The following ADAMTSL1 variants were observed in gnomAD, a reference collection of about 807,000 sequenced individuals.
ADAMTSL1 encodes ADAMTS like 1.
ADAMTSL1 carries 126 observed loss-of-function variants against 201.8 expected under a neutral mutation model. That is an observed-to-expected ratio of 0.62 (90% CI 0.54 to 0.72). The LOEUF (loss-of-function observed/expected upper bound fraction) is 0.72. Among genes scored for constraint, ADAMTSL1 ranks in the 30% least tolerant of loss-of-function variants. The pLI is 0.00. For missense variants in ADAMTSL1, 2,679 were observed against 2,277.8 expected (o/e 1.18, Z -3.59); for synonymous variants, 1,121 against 903.4 (o/e 1.24, Z -4.32).
intron 1 of ADAMTSL1, among the ~76,000 whole-genome samples, chr9:17,922,162 C>T (rs1826330415): frequency 6.8e-6 from 1 of 147,806 alleles, no homozygotes; most frequent in African/African-American, 2.5e-5. Context: ...GTTATTAATT[C>T]TATATCAGTT....
At chr9:18,315,006 C>T (rs1034530876) in intron 2 of ADAMTSL1, among the ~76,000 whole-genome samples, 1 of 149,362 alleles carries the variant, frequency 6.7e-6, no homozygotes, top group East Asian at 2.0e-4. Context: ...CCGTGTTAGC[C>T]AGGATGGTCT....
intron 1 of ADAMTSL1, among the ~76,000 whole-genome samples, chr9:17,926,142 A>G (rs1826517605): frequency 6.6e-6 from 1 of 152,124 alleles, no homozygotes; most frequent in Non-Finnish European, 1.5e-5. Flanking sequence ...ATTGTTAATA[A>G]TCATTGTCAT....
rs1829125440 is a variant in ADAMTSL1, at chr9:18,662,000, T to G, written c.1012T>G (p.Cys338Gly). ...CAACCGTGTGGTTGCTGACCAATAC[T>G]GTCACTATTACCCAGAGAACATCAA... Reference protein sequence around the residue: ...RSNRVVADQYCHYYPENIKPK... With the variant: ...RSNRVVADQYGHYYPENIKPK... The change falls in exon 9 of 29, where the codon TGT becomes GGT. Residue 338 changes from cysteine (C) to glycine (G), a missense_variant. Transcript: ENST00000380548. The G allele has an allele frequency of 6.2e-7, 1 of 1,614,044 alleles. No individual in the cohort carries two copies. The highest frequency in any genetic ancestry group is 1.3e-5 in the African/African-American group (1 of 74,938).
intron 20 of ADAMTSL1, among the ~76,000 whole-genome samples, chr9:18,804,067 G>T (rs1174177189): frequency 6.6e-6 from 1 of 152,166 alleles, no homozygotes; most frequent in Non-Finnish European, 1.5e-5. Flanking sequence ...GTTATAAACA[G>T]AGGGATTTAA....
chr9:18,589,721 T>C (rs1823786240), intron 4 of ADAMTSL1, among the ~76,000 whole-genome samples: 1 of 152,190 alleles, frequency 6.6e-6, no homozygotes, highest in South Asian at 2.1e-4. Flanking sequence ...TTTATGACCT[T>C]TGTCATGTAG....
intron 2 of ADAMTSL1, among the ~76,000 whole-genome samples, chr9:18,532,230 A>G (rs1028197226): frequency 2.0e-5 from 3 of 152,184 alleles, no homozygotes; most frequent in African/African-American, 7.2e-5. Context: ...ATGCAGTAAA[A>G]TGGAAACTCT....
At chr9:18,499,954 C>G (rs546155934) in intron 1 of ADAMTSL1, among the ~76,000 whole-genome samples, 2 of 152,150 alleles carry the variant, frequency 1.3e-5, no homozygotes, top group East Asian at 3.9e-4. Context: ...TTCCAAGTAC[C>G]CTGTATATGC....
chr9:18,696,214 T>A (rs981725077), intron 13 of ADAMTSL1, among the ~76,000 whole-genome samples: 2 of 152,136 alleles, frequency 1.3e-5, no homozygotes, highest in Admixed American at 6.5e-5. Flanking sequence ...AAAGCCCTCT[T>A]TGAGAAGGGA....
chr9:18,122,499 G>A (rs1184946357), intron 1 of ADAMTSL1, among the ~76,000 whole-genome samples: 1 of 152,236 alleles, frequency 6.6e-6, no homozygotes, highest in African/African-American at 2.4e-5. Context: ...GCCTTATGGT[G>A]AAATTTTTTA....
At chr9:18,587,763 A>G (rs185197135) in intron 4 of ADAMTSL1, among the ~76,000 whole-genome samples, 14 of 152,212 alleles carry the variant, frequency 9.2e-5, no homozygotes, top group African/African-American at 3.4e-4. Context: ...GGTTTATTTC[A>G]CTTAATGACC....
intron 1 of ADAMTSL1, among the ~76,000 whole-genome samples, chr9:18,139,491 G>C (rs1826304945): frequency 6.6e-6 from 1 of 152,082 alleles, no homozygotes; most frequent in Admixed American, 6.6e-5. Context: ...TCCACCTTCT[G>C]TTAACCATCC....
In ADAMTSL1 at chr9:18,559,221, A is replaced by T. The variant is rs12000315; in HGVS notation, c.238-14809A>T. Among the ~76,000 whole-genome samples, 534 of 152,310 alleles carry T rather than the reference A, an allele frequency of 3.5e-3. 3 individuals are homozygous for T. The highest frequency in any genetic ancestry group is 0.011 in the African/African-American group (472 of 41,576). On this transcript the variant is annotated intron_variant, in intron 3 of 28. Coordinates refer to ENST00000380548, the MANE Select transcript of ADAMTSL1 (RefSeq NM_001040272.6). ...AAGTGGTCCAGTTTCAGTTTTCTGC[A>T]TATGGCTAGCCTGTTTTCCCAACAC...
chr9:18,870,279 G>T (rs975065327), intron 23 of ADAMTSL1, among the ~76,000 whole-genome samples: 9 of 152,106 alleles, frequency 5.9e-5, no homozygotes, highest in African/African-American at 1.9e-4. Context: ...AGTGGTTTTT[G>T]ATTATTCTTG....
At chr9:18,012,184 C>G (rs1185158432) in intron 1 of ADAMTSL1, among the ~76,000 whole-genome samples, 2 of 152,178 alleles carry the variant, frequency 1.3e-5, no homozygotes, top group East Asian at 3.9e-4. Flanking sequence ...AGAACTCTGA[C>G]TTGCAGGCCC....
At chr9:18,114,103 G>A (rs1825147037) in intron 1 of ADAMTSL1, among the ~76,000 whole-genome samples, 1 of 152,148 alleles carries the variant, frequency 6.6e-6, no homozygotes, top group African/African-American at 2.4e-5. Context: ...AGAGGTCAAA[G>A]AGGAGAGCAC....
intron 2 of ADAMTSL1, among the ~76,000 whole-genome samples, chr9:18,257,753 AAAC>A (rs1395173865): frequency 1.3e-5 from 2 of 152,366 alleles, no homozygotes; most frequent in East Asian, 3.9e-4. Context: ...TAAAAGGTGG[AAAC>A]AACAGATGAG....
chr9:18,056,596 G>C (rs964275984), intron 1 of ADAMTSL1, among the ~76,000 whole-genome samples: 11 of 152,144 alleles, frequency 7.2e-5, no homozygotes, highest in Admixed American at 1.3e-4. Context: ...GGGAGCAAAA[G>C]AAGAGGCAAT....
At chr9:18,053,773 C>T (rs1274780019) in intron 1 of ADAMTSL1, among the ~76,000 whole-genome samples, 1 of 152,196 alleles carries the variant, frequency 6.6e-6, no homozygotes, top group African/African-American at 2.4e-5. Context: ...TCTTGATGTA[C>T]CAGGCTCCGA....
intron 1 of ADAMTSL1, among the ~76,000 whole-genome samples, chr9:18,134,670 T>G (rs1227658117): frequency 6.6e-6 from 1 of 152,198 alleles, no homozygotes; most frequent in Non-Finnish European, 1.5e-5. Flanking sequence ...GTGTGGTGGT[T>G]CTTTCTTTAA....
Sources: allele counts gnomAD v4.1 joint callset (sites outside exome capture counted in the v4.1 genomes callset), GRCh38; gene constraint gnomAD v4.1.1; transcripts MANE v1.5; gene names NCBI Gene and HGNC (gene_info 2026-07-23, HGNC 2026-07-21).